Variants in PDE10A observed in about 807,000 individuals in gnomAD.
The protein encoded by PDE10A is cAMP and cAMP-inhibited cGMP 3',5'-cyclic phosphodiesterase 10A.
A neutral mutation model predicts 97.7 loss-of-function variants in PDE10A; 39 were observed. The ratio of observed to expected loss-of-function variants is 0.40; its 90% CI spans 0.31 to 0.52. PDE10A has a LOEUF of 0.52. PDE10A is among the 20% of genes least tolerant of loss of function. PDE10A has a pLI of 0.56. For missense variants in PDE10A, 731 were observed against 1,047.8 expected, an observed-to-expected ratio of 0.70 and a Z score of 4.17; for synonymous variants, 371 against 376.8, an observed-to-expected ratio of 0.98 and a Z score of 0.18.
chr6:165,337,899 A>C (rs946907991), intron 20 of PDE10A, among the ~76,000 whole-genome samples: 7 of 152,212 alleles, frequency 4.6e-5, no homozygotes, highest in Non-Finnish European at 8.8e-5. Flanking sequence ...CAAGTCAATA[A>C]ATCAAATGGA....
At chr6:165,866,581 C>T (rs1030551132) in intron 1 of PDE10A, among the ~76,000 whole-genome samples, 3 of 151,300 alleles carry the variant, frequency 2.0e-5, no homozygotes, top group East Asian at 1.9e-4. Context: ...GGTTGCAAAG[C>T]GTCCTGTTAA....
intron 1 of PDE10A, among the ~76,000 whole-genome samples, chr6:165,921,644 G>C (rs1562799094): frequency 6.6e-6 from 1 of 152,184 alleles, no homozygotes. Flanking sequence ...GTGATACCTG[G>C]AAAGAGGCTG....
rs532433584 is a variant in PDE10A, at chr6:165,711,590, G to A, written c.-614-168022C>T. ...CTAGATCCTCCAGCCAGGCCCAAAC[G>A]CTGAGGAATGTGAGTGTGTGTCTTG... is the stretch of plus-strand genomic sequence containing the variant. On this transcript the variant is annotated intron_variant, in intron 1 of 19. Coordinates refer to the PDE10A transcript ENST00000366882. The surrounding 1 kb of genome is among the most constrained non-coding windows in gnomAD (Gnocchi z 4.5). Among the ~76,000 whole-genome samples, 8 of 152,256 alleles carry A rather than the reference G, an allele frequency of 5.3e-5. No individual in the cohort carries two copies. The highest frequency in any genetic ancestry group is 3.9e-4 in the Admixed American group (6 of 15,296).
At chr6:165,962,230 C>G (rs969412873) in intron 1 of PDE10A, among the ~76,000 whole-genome samples, 1 of 152,226 alleles carries the variant, frequency 6.6e-6, no homozygotes, top group Non-Finnish European at 1.5e-5. Flanking sequence ...AGCCTTTAAT[C>G]CATATCACAG....
intron 1 of PDE10A, among the ~76,000 whole-genome samples, chr6:165,758,527 A>AGAAGAGGAAGAG (rs748207238): frequency 1.4e-4 from 19 of 140,638 alleles, no homozygotes; most frequent in African/African-American, 3.6e-4. Context: ...AAGAAGAAGA[A>AGAAGAGGAAGAG]GAAGAGGAAG....
At position 165,662,729 on chromosome 6, in the gene PDE10A, C is replaced by T. The variant is rs1790350322; in HGVS notation, c.83G>A (p.Gly28Asp). Among the ~76,000 whole-genome samples, 1 of 147,722 alleles carries T rather than the reference C, an allele frequency of 6.8e-6. No individual in the cohort carries two copies. The highest frequency in any genetic ancestry group is 1.5e-5 in the Non-Finnish European group (1 of 66,426). The part of the protein sequence containing the change: ...AAGDEPGCGP[G>D]KLRPEPRLSA... ...GAGCCGGGGTTCCGGGCGGAGTTTG[C>T]CGGGGCCGCAGCCCGGCTCGTCCCC... The change falls in exon 1 of 22, where the codon GGC becomes GAC. Residue 28 changes from glycine to aspartate, a missense_variant. Transcript: ENST00000539869.
chr6:165,352,927 A>T (rs1782790509), intron 18 of PDE10A, among the ~76,000 whole-genome samples: 1 of 152,212 alleles, frequency 6.6e-6, no homozygotes, highest in African/African-American at 2.4e-5. Context: ...GAGAGAAAAC[A>T]TTGGCAAAAG....
intron 16 of PDE10A, among the ~76,000 whole-genome samples, chr6:165,391,608 G>A (rs796143757): frequency 1.2e-4 from 18 of 152,112 alleles, no homozygotes; most frequent in African/African-American, 2.2e-4. Flanking sequence ...GATCTTTCGC[G>A]GGGAGGTGAT....
chr6:165,431,519 T>C (rs776593614), intron 7 of PDE10A, 47 bp from the exon 8 acceptor site: 3 of 817,008 alleles, frequency 3.7e-6, no homozygotes, highest in East Asian at 6.5e-5. Flanking sequence ...ATACATAACG[T>C]ATATATATAT....
intron 1 of PDE10A, among the ~76,000 whole-genome samples, chr6:165,760,313 C>T (rs112207595): frequency 6.6e-5 from 10 of 152,154 alleles, no homozygotes; most frequent in Admixed American, 3.9e-4. Flanking sequence ...CAACCTCTCC[C>T]GCCGGCTCCT....
At chr6:165,849,866 A>G (rs2128474660) in intron 1 of PDE10A, among the ~76,000 whole-genome samples, 1 of 152,352 alleles carries the variant, frequency 6.6e-6, no homozygotes, top group Non-Finnish European at 1.5e-5. Flanking sequence ...AAAGTTGCAC[A>G]AGTGTTCTCC....
intron 18 of PDE10A, among the ~76,000 whole-genome samples, chr6:165,365,180 T>C (rs1783691128): frequency 1.3e-5 from 2 of 152,054 alleles, no homozygotes; most frequent in Non-Finnish European, 2.9e-5. Context: ...GAAATAAAAA[T>C]GTAAAACACT....
At chr6:165,687,020 G>C (rs1483348007) in intron 1 of PDE10A, among the ~76,000 whole-genome samples, 1 of 152,274 alleles carries the variant, frequency 6.6e-6, no homozygotes, top group Non-Finnish European at 1.5e-5. Context: ...GTTCTGTTCA[G>C]ATCGCTCTGC....
At chr6:165,578,540 C>T (rs959380551) in intron 1 of PDE10A, among the ~76,000 whole-genome samples, 2 of 152,162 alleles carry the variant, frequency 1.3e-5, no homozygotes, top group African/African-American at 2.4e-5. Flanking sequence ...GAAGCACCTC[C>T]ACCATCTGGC....
chr6:165,414,415 C>T (rs1788157611), intron 12 of PDE10A, among the ~76,000 whole-genome samples: 1 of 152,192 alleles, frequency 6.6e-6, no homozygotes, highest in African/African-American at 2.4e-5. Flanking sequence ...TAGGTAGTTA[C>T]ATGGGAGTCT....
intron 19 of PDE10A, among the ~76,000 whole-genome samples, chr6:165,341,366 TTTTAC>T (rs1241868433): frequency 3.0e-4 from 46 of 152,322 alleles, no homozygotes; most frequent in African/African-American, 9.1e-4. Flanking sequence ...TGCACCTTCC[TTTTAC>T]TTTAAGTTGT....
intron 1 of PDE10A, among the ~76,000 whole-genome samples, chr6:165,922,328 G>A (rs1384086882): frequency 1.3e-5 from 2 of 152,158 alleles, no homozygotes; most frequent in Non-Finnish European, 2.9e-5. Context: ...TCTAATGAGT[G>A]GGCAGGGTCA....
intron 1 of PDE10A, among the ~76,000 whole-genome samples, chr6:165,871,278 T>C (rs989245417): frequency 1.3e-5 from 2 of 152,248 alleles, no homozygotes; most frequent in South Asian, 2.1e-4. Flanking sequence ...TGGATGAATC[T>C]CGCAAATATT....
intron 1 of PDE10A, among the ~76,000 whole-genome samples, chr6:165,919,318 T>A (rs144406508): frequency 4.6e-4 from 70 of 152,266 alleles, no homozygotes; most frequent in African/African-American, 1.6e-3. Flanking sequence ...ACATGGGGAC[T>A]GGGTATGAAG....
Sources: gnomAD v4.1 joint callset for allele counts (sites outside exome capture counted in the v4.1 genomes callset) on GRCh38, gnomAD v4.1.1 for gene constraint, Gnocchi (gnomAD v3.1) non-coding constraint, MANE v1.5 for transcripts, NCBI Gene and HGNC (gene_info 2026-07-23, HGNC 2026-07-21) for gene names.